The following ROBO1 variants were observed in gnomAD, a reference collection of about 807,000 sequenced individuals.
ROBO1 encodes roundabout homolog 1.
Under a neutral mutation model 195.9 loss-of-function variants are expected in ROBO1, and 149 were observed. The observed-to-expected ratio is 0.76, with a 90% CI of 0.67 to 0.87. The LOEUF (loss-of-function observed/expected upper bound fraction) is 0.87, where lower values mean the gene tolerates loss of function less well. ROBO1 is among the 40% of genes least tolerant of loss of function. ROBO1 has a pLI of 0.00. For synonymous variants in ROBO1, 816 were observed against 733.2 expected (o/e 1.11, Z -1.82); for missense variants, 1,933 against 2,068.3 (o/e 0.93, Z 1.27).
At chr3:79,198,687 ATTTG>A (rs2081693545) in intron 2 of ROBO1, among the ~76,000 whole-genome samples, 1 of 152,158 alleles carries the variant, frequency 6.6e-6, no homozygotes, top group African/African-American at 2.4e-5. Flanking sequence ...AAGTTCTTCC[ATTTG>A]TTTGTGTCCT....
chr3:78,710,022 C>T (rs1471859591), intron 8 of ROBO1, among the ~76,000 whole-genome samples: 3 of 152,248 alleles, frequency 2.0e-5, no homozygotes, highest in South Asian at 2.1e-4. Context: ...GCTTCACTGG[C>T]GCTAGCAAAA....
rs557552959 is a variant in ROBO1 at position 79,359,749 on chromosome 3, G to T, written c.88+230075C>A. 8.6e-5 allele frequency among the ~76,000 whole-genome samples: 13 copies of T among 151,934 alleles called. 1 individual carries two copies. The South Asian group carries it at 2.7e-3, about 32-fold the overall frequency. ...CGGATTATAAAATATCCTAAGAAAA[G>T]AATTGAAAGCAATCCTAAGTATCAA... On this transcript the variant is annotated intron_variant, in intron 2 of 30. Transcript: ENST00000464233.
chr3:78,857,211 A>G (rs1277981654), intron 4 of ROBO1, among the ~76,000 whole-genome samples: 1 of 152,214 alleles, frequency 6.6e-6, no homozygotes, highest in Non-Finnish European at 1.5e-5. Context: ...GAATGTGGTA[A>G]AGTACTGAAA....
chr3:79,397,058 A>C (rs1437574299), intron 2 of ROBO1, among the ~76,000 whole-genome samples: 1 of 152,084 alleles, frequency 6.6e-6, no homozygotes, highest in East Asian at 1.9e-4. Flanking sequence ...TTCCCTGGAT[A>C]CTAAAACGTG....
intron 21 of ROBO1, among the ~76,000 whole-genome samples, chr3:78,643,772 A>T (rs1357035153): frequency 6.6e-6 from 1 of 152,286 alleles, no homozygotes; most frequent in Non-Finnish European, 1.5e-5. Context: ...AGCAAAGGGA[A>T]TTAGCAGGAA....
intron 2 of ROBO1, among the ~76,000 whole-genome samples, chr3:79,464,407 C>A (rs1010484725): frequency 3.3e-5 from 5 of 152,182 alleles, no homozygotes; most frequent in Non-Finnish European, 7.3e-5. Flanking sequence ...ATTCCAATTT[C>A]TCCACCTCTT....
intron 2 of ROBO1, among the ~76,000 whole-genome samples, chr3:79,355,427 A>G (rs2109283299): frequency 6.6e-6 from 1 of 152,200 alleles, no homozygotes; most frequent in African/African-American, 2.4e-5. Flanking sequence ...AATATTCAAA[A>G]ACCTCTCTTC....
At chr3:78,801,940 A>G (rs997839181) in intron 4 of ROBO1, among the ~76,000 whole-genome samples, 1 of 152,024 alleles carries the variant, frequency 6.6e-6, no homozygotes, top group African/African-American at 2.4e-5. Context: ...TAATCAATGT[A>G]TTTGCTTTTT....
intron 2 of ROBO1, among the ~76,000 whole-genome samples, chr3:79,588,791 C>T (rs950588524): frequency 6.6e-6 from 1 of 151,658 alleles, no homozygotes; most frequent in Non-Finnish European, 1.5e-5. Flanking sequence ...TTACAACAGA[C>T]TTAAAGTTTC....
intron 4 of ROBO1, among the ~76,000 whole-genome samples, chr3:78,754,170 T>C (rs963295085): frequency 6.6e-6 from 1 of 152,188 alleles, no homozygotes; most frequent in Non-Finnish European, 1.5e-5. Context: ...ATACAGGACT[T>C]GCCATTTATA....
chr3:79,153,600 G>C (rs1394365207), intron 2 of ROBO1, among the ~76,000 whole-genome samples: 1 of 151,122 alleles, frequency 6.6e-6, no homozygotes, highest in East Asian at 2.0e-4. Flanking sequence ...GCTTATTACA[G>C]AAAATAGCAA....
At chr3:78,720,693 C>A (rs2082019338) in intron 5 of ROBO1, among the ~76,000 whole-genome samples, 1 of 152,144 alleles carries the variant, frequency 6.6e-6, no homozygotes, top group Non-Finnish European at 1.5e-5. Context: ...TGGAACCAAC[C>A]CAAATGTCCA....
At chr3:79,381,842 C>T (rs1353353272) in intron 2 of ROBO1, among the ~76,000 whole-genome samples, 1 of 151,902 alleles carries the variant, frequency 6.6e-6, no homozygotes, top group Non-Finnish European at 1.5e-5. Context: ...AGCACATATC[C>T]CAGATAAAAT....
chr3:79,722,145 G>A (rs1702732837), intron 1 of ROBO1, among the ~76,000 whole-genome samples: 2 of 151,492 alleles, frequency 1.3e-5, no homozygotes, highest in Non-Finnish European at 2.9e-5. Flanking sequence ...AGTATTTTAA[G>A]GAAACTAAAT....
chr3:79,392,299 T>C (rs926991809), intron 2 of ROBO1, among the ~76,000 whole-genome samples: 2 of 152,214 alleles, frequency 1.3e-5, no homozygotes, highest in Admixed American at 1.3e-4. Context: ...TTTTGTGTAT[T>C]AGTGTTTTAT....
At chr3:79,116,749 C>A (rs537224811) in intron 3 of ROBO1, among the ~76,000 whole-genome samples, 2 of 151,994 alleles carry the variant, frequency 1.3e-5, no homozygotes, top group Admixed American at 1.3e-4. Flanking sequence ...AACTCCTGAC[C>A]GTAAGTGATC....
intron 2 of ROBO1, among the ~76,000 whole-genome samples, chr3:79,344,209 T>A (rs1246495595): frequency 6.6e-6 from 1 of 152,158 alleles, no homozygotes; most frequent in East Asian, 1.9e-4. Flanking sequence ...GGAAGTACCC[T>A]TCCAGATTAA....
intron 4 of ROBO1, among the ~76,000 whole-genome samples, chr3:78,805,406 A>G (rs990095182): frequency 6.6e-6 from 1 of 152,140 alleles, no homozygotes; most frequent in African/African-American, 2.4e-5. Context: ...CTCTCCTTAA[A>G]GCTTACATTT....
intron 4 of ROBO1, among the ~76,000 whole-genome samples, chr3:78,916,738 C>T (rs1163660504): frequency 6.6e-6 from 1 of 151,916 alleles, no homozygotes; most frequent in Non-Finnish European, 1.5e-5. Flanking sequence ...ATTCTTTAGT[C>T]TGGTTAAATA....
Sources: allele counts gnomAD v4.1 joint callset (sites outside exome capture counted in the v4.1 genomes callset), GRCh38; gene constraint gnomAD v4.1.1; transcripts MANE v1.5; gene names NCBI Gene and HGNC (gene_info 2026-07-23, HGNC 2026-07-21).